Variants in RASGRF1 observed in about 807,000 individuals in gnomAD.
RASGRF1 encodes Ras protein specific guanine nucleotide releasing factor 1.
RASGRF1 carries 40 observed loss-of-function variants against 138.7 expected under a neutral mutation model. The observed-to-expected ratio is 0.29, with a 90% CI of 0.22 to 0.38. The LOEUF (loss-of-function observed/expected upper bound fraction) is 0.38, where lower values mean the gene tolerates loss of function less well. RASGRF1 is among the 10% of genes least tolerant of loss of function. RASGRF1 has a pLI of 1.00. For missense variants in RASGRF1, 1,108 were observed against 1,650.4 expected (o/e 0.67, Z 5.69); for synonymous variants, 614 against 663.2 (o/e 0.93, Z 1.14).
intron 8 of RASGRF1, among the ~76,000 whole-genome samples, chr15:79,028,264 C>G (rs1263600557): frequency 6.6e-6 from 1 of 152,160 alleles, no homozygotes; most frequent in Non-Finnish European, 1.5e-5. Context: ...CTTCTACCAG[C>G]CTTATTCCCA....
intron 3 of RASGRF1, among the ~76,000 whole-genome samples, chr15:79,051,479 C>T (rs1362617979): frequency 6.7e-6 from 1 of 149,812 alleles, no homozygotes; most frequent in East Asian, 1.9e-4. Flanking sequence ...ACACACACAC[C>T]GCCTTTGGAG....
chr15:79,031,641 G>GGAGGGAGGGAGA (rs367650350), intron 7 of RASGRF1, 132 bp from the exon 8 acceptor site: 1 of 379,068 alleles, frequency 2.6e-6, no homozygotes, highest in Non-Finnish European at 4.9e-6. Flanking sequence ...AGGAAGGGAG[G>GGAGGGAGGGAGA]GAGGGAGGGA....
intron 1 of RASGRF1, among the ~76,000 whole-genome samples, chr15:79,083,355 G>C (rs962280411): frequency 7.2e-5 from 11 of 152,208 alleles, no homozygotes; most frequent in African/African-American, 2.7e-4. Context: ...CGTCACTAGT[G>C]CTCCTGCATA....
rs1283256017 is a variant in RASGRF1, at chr15:79,027,209, C to T, written c.1381+532G>A. ...CTTCACCCACCCCTCTCAACGGGGC[C>T]GTGCCTCTCAAACACTGCTCCCAAG... is the stretch of plus-strand genomic sequence containing the variant. On this transcript the variant is annotated intron_variant, in intron 9 of 26. Transcript: ENST00000558480. The surrounding 1 kb of genome is among the most constrained non-coding windows in gnomAD (Gnocchi z 4.8). Among the ~76,000 whole-genome samples the T allele has an allele frequency of 1.3e-5, 2 of 152,148 alleles. No homozygotes were observed. The highest frequency in any genetic ancestry group is 2.9e-5 in the Non-Finnish European group (2 of 68,012).
chr15:79,066,376 A>C (rs942904783), intron 1 of RASGRF1, among the ~76,000 whole-genome samples: 1 of 152,224 alleles, frequency 6.6e-6, no homozygotes, highest in East Asian at 1.9e-4. Context: ...CCTGGGATGC[A>C]AAGACAAAAA....
At chr15:78,972,031 G>A in intron 25 of RASGRF1, 97 bp from the exon 26 acceptor site, 2 of 1,054,284 alleles carry the variant, frequency 1.9e-6, no homozygotes, top group South Asian at 1.3e-5. Flanking sequence ...TAAATCTGAA[G>A]TCAGCCTCTT....
At position 79,073,423 on chromosome 15, in the gene RASGRF1, CT is replaced by C. The variant is rs1455272511; in HGVS notation, c.277-8898del. Among the ~76,000 whole-genome samples, 3 of 152,206 alleles carry C rather than the reference CT, an allele frequency of 2.0e-5. No individual in the cohort carries two copies. The highest frequency in any genetic ancestry group is 7.2e-5 in the African/African-American group (3 of 41,534). ...CAGGGAAGTGAGGCGGGGAGTTTGC[CT>C]TAGGAAATAGGAGGAGAGGCAGTTG... is the stretch of plus-strand genomic sequence containing the variant. On this transcript the variant is annotated intron_variant, in intron 1 of 26. Coordinates refer to ENST00000558480, the MANE Select transcript of RASGRF1 (RefSeq NM_001145648.3). This position sits in a 1 kb window ranked among gnomAD's most constrained non-coding sequence, Gnocchi z 4.2.
At chr15:78,966,191 C>T (rs2055640519) in intron 26 of RASGRF1, among the ~76,000 whole-genome samples, 1 of 150,762 alleles carries the variant, frequency 6.6e-6, no homozygotes, top group African/African-American at 2.4e-5. Flanking sequence ...TGCCCGAAAA[C>T]TCAAAGTTTC....
At chr15:79,019,289 G>A (rs531220606) in intron 11 of RASGRF1, among the ~76,000 whole-genome samples, 1 of 152,260 alleles carries the variant, frequency 6.6e-6, no homozygotes, top group East Asian at 1.9e-4. Context: ...AGTGAAGAAG[G>A]GAAATGAGTG....
At chr15:79,040,901 T>C (rs2057289374) in intron 5 of RASGRF1, among the ~76,000 whole-genome samples, 1 of 152,250 alleles carries the variant, frequency 6.6e-6, no homozygotes, top group Admixed American at 6.5e-5. Context: ...TAGTGTTCCA[T>C]TCACTCATTC....
rs1025493938 is a variant in RASGRF1, at chr15:79,073,265, A to AG, written c.277-8740dup. On this transcript the variant is annotated intron_variant, in intron 1 of 26. Coordinates refer to ENST00000558480, the MANE Select transcript of RASGRF1 (RefSeq NM_001145648.3). This position sits in a 1 kb window ranked among gnomAD's most constrained non-coding sequence, Gnocchi z 4.2. The stretch of plus-strand genomic sequence containing the variant: ...TCCACCAGACTGCCCAGATCCCAGA[A>AG]GGGGAGTCATGATGCCTGATAAGCC... Among the ~76,000 whole-genome samples the AG allele has an allele frequency of 4.6e-5, 7 of 152,086 alleles. No individual in the cohort carries two copies. The highest frequency in any genetic ancestry group is 2.9e-5 in the Non-Finnish European group (2 of 68,012).
At chr15:79,008,851 T>C (rs1229411723) in intron 13 of RASGRF1, among the ~76,000 whole-genome samples, 1 of 152,158 alleles carries the variant, frequency 6.6e-6, no homozygotes, top group Non-Finnish European at 1.5e-5. Context: ...TCCGTGACGA[T>C]GTGCAGCGCT....
In RASGRF1 at chr15:79,025,392, G is replaced by T; in HGVS notation, c.1464C>A (p.Gly488=). 6.2e-7 allele frequency: 1 copy of T among 1,613,958 alleles called. No individual in the cohort carries two copies. The highest frequency in any genetic ancestry group is 1.3e-5 in the African/African-American group (1 of 75,024). Residue 488 remains glycine, a synonymous_variant, in exon 10 of 27, where the codon GGC becomes GGA. Transcript: ENST00000558480. ...TAGAAAACAGGAAGCACTGTCGCTC[G>T]CCCTCTTTCTTTAGGGAGAGAGACC... is the stretch of plus-strand genomic sequence containing the variant. ...RLGSLSLKKE[G]ERQCFLFSKH...
chr15:78,998,134 G>A lies in RASGRF1; in HGVS notation c.2928C>T (p.Leu976=), dbSNP rs750097680. The change falls in exon 19 of 27, where the codon CTC becomes CTT. Residue 976 remains leucine (L), a synonymous_variant. Coordinates refer to ENST00000558480, the MANE Select transcript of RASGRF1 (RefSeq NM_001145648.3). ...CTGCAGCCTTCCGCTCCTGGGTCAGGAGCTCCGGGTCGTGCATGACTTCTT... is the reference window on the plus strand; with the variant it reads ...CTGCAGCCTTCCGCTCCTGGGTCAGAAGCTCCGGGTCGTGCATGACTTCTT... ...FLEEVMHDPE[L]LTQERKAAAN... is the part of the protein sequence containing the mutation. The A allele has an allele frequency of 6.2e-7, 1 of 1,614,202 alleles. No homozygotes were observed. Among genetic ancestry groups the A allele is most frequent in the Non-Finnish European group, 8.5e-7 (1 of 1,180,032 alleles).
At chr15:78,969,802 CCT>C (rs1266257015) in intron 26 of RASGRF1, among the ~76,000 whole-genome samples, 9 of 152,094 alleles carry the variant, frequency 5.9e-5, no homozygotes, top group African/African-American at 2.2e-4. Flanking sequence ...ATATTTTTTG[CCT>C]CTTAGTCTAT....
intron 2 of RASGRF1, among the ~76,000 whole-genome samples, chr15:79,060,256 A>C (rs1228384896): frequency 6.6e-6 from 1 of 152,108 alleles, no homozygotes; most frequent in Non-Finnish European, 1.5e-5. Context: ...CCCACCCCCC[A>C]GGTTGAATGG....
intron 3 of RASGRF1, among the ~76,000 whole-genome samples, chr15:79,051,881 C>T (rs892873665): frequency 6.6e-6 from 1 of 152,150 alleles, no homozygotes; most frequent in African/African-American, 2.4e-5. Flanking sequence ...AACTAGGAGC[C>T]AATATCGGGA....
chr15:79,034,041 A>G (rs1243185788), intron 6 of RASGRF1, among the ~76,000 whole-genome samples: 1 of 152,218 alleles, frequency 6.6e-6, no homozygotes, highest in Non-Finnish European at 1.5e-5. Context: ...CATCTTTCTA[A>G]GGACACCTTA....
At chr15:78,965,309 G>A (rs1049251993) in intron 26 of RASGRF1, among the ~76,000 whole-genome samples, 4 of 152,058 alleles carry the variant, frequency 2.6e-5, no homozygotes, top group South Asian at 2.1e-4. Context: ...GCTCTTTCCC[G>A]GAGGTTCTTG....
Sources: gnomAD v4.1 joint callset for allele counts (sites outside exome capture counted in the v4.1 genomes callset) on GRCh38, gnomAD v4.1.1 for gene constraint, Gnocchi (gnomAD v3.1) non-coding constraint, MANE v1.5 for transcripts, NCBI Gene and HGNC (gene_info 2026-07-23, HGNC 2026-07-21) for gene names.